Variants in KCNG3 observed in about 807,000 individuals in gnomAD.
The protein encoded by KCNG3 is potassium voltage-gated channel modifier subfamily G member 3, also known as voltage-gated potassium channel regulatory subunit KCNG3.
A neutral mutation model predicts 29.0 loss-of-function variants in KCNG3; 15 were observed. The observed-to-expected ratio is 0.52, with a 90% CI of 0.35 to 0.80. KCNG3 has a LOEUF of 0.80. Among genes scored for constraint, KCNG3 ranks in the 30% least tolerant of loss-of-function variants. The pLI, the probability that KCNG3 is intolerant of heterozygous loss-of-function variation, is 0.01. For synonymous variants in KCNG3, 322 were observed against 248.9 expected (o/e 1.29, Z -2.76); for missense variants, 512 against 605.7 (o/e 0.85, Z 1.62).
rs751461061 is a variant in KCNG3 at position 42,493,140 on chromosome 2, G to A, written c.362C>T (p.Ser121Phe). 6.2e-7 allele frequency: 1 copy of A among 1,605,572 alleles called. No homozygotes were observed. Among genetic ancestry groups the A allele is most frequent in the Non-Finnish European group, 8.5e-7 (1 of 1,179,158 alleles). The change falls in exon 1 of 2, where the codon TCC becomes TTC. Residue 121 changes from serine (S) to phenylalanine (F), a missense_variant. Physicochemically the swap from Ser to Phe is radical, Grantham distance 155. Transcript: ENST00000306078. ...CCQRRLDDRM[S>F]DTYTFYSADE... ...GGCCGAGTAGAAGGTGTAGGTGTCG[G>A]ACATGCGGTCGTCGAGGCGGCGCTG...
the KCNG3 span, among the ~76,000 whole-genome samples, chr2:42,394,260 A>C: frequency 6.6e-6 from 1 of 152,170 alleles, no homozygotes; most frequent in African/African-American, 2.4e-5. Context: ...GCCCAACAAA[A>C]ACTGCTAAAA....
chr2:42,443,802 G>A lies in KCNG3; in HGVS notation c.*132C>T, dbSNP rs1672539719. On this transcript the variant is annotated 3_prime_UTR_variant, in exon 2 of 2. Transcript: ENST00000306078. The stretch of plus-strand genomic sequence containing the variant: ...AGTAAACTGTTTTATCCCTTCGGCT[G>A]GGAAGGATAATTTTTACCCTACCAA... 4 of 805,636 alleles carry A rather than the reference G, an allele frequency of 5.0e-6. No individual in the cohort carries two copies. The highest frequency in any genetic ancestry group is 7.9e-6 in the Non-Finnish European group (4 of 508,104). 49.9% of individuals were successfully genotyped at this position (805,636 alleles called of 1,614,324 possible). A position where few individuals can be genotyped will look rare whatever the true frequency, so the allele number is the denominator to read the frequency against.
At chr2:42,425,742 A>T in the KCNG3 span, among the ~76,000 whole-genome samples, 14 of 152,286 alleles carry the variant, frequency 9.2e-5, no homozygotes, top group South Asian at 2.7e-3. Context: ...TAAAAGGGAG[A>T]AAAACAGAAT....
At chr2:42,470,035 T>C in intron 1 of KCNG3, 2 of 500,348 alleles carry the variant, frequency 4.0e-6, no homozygotes, top group African/African-American at 2.0e-5. Context: ...TAAGAATTCT[T>C]AAGTCCAAAG....
At chr2:42,445,885 C>T (rs982198241) in intron 1 of KCNG3, among the ~76,000 whole-genome samples, 2 of 151,936 alleles carry the variant, frequency 1.3e-5, no homozygotes, top group African/African-American at 2.4e-5. Flanking sequence ...TGCCACCATG[C>T]GTGACTAATT....
chr2:42,396,169 A>G, the KCNG3 span, among the ~76,000 whole-genome samples: 26 of 152,244 alleles, frequency 1.7e-4, no homozygotes, highest in African/African-American at 6.3e-4. Flanking sequence ...GGGTACTCCA[A>G]GTATAGTTTC....
At chr2:42,401,490 G>A in the KCNG3 span, among the ~76,000 whole-genome samples, 2 of 151,814 alleles carry the variant, frequency 1.3e-5, no homozygotes, top group Non-Finnish European at 2.9e-5. Context: ...CTCCCAGGCT[G>A]GAGTGCAGCG....
In KCNG3 at chr2:42,492,886, G is replaced by A; in HGVS notation, c.616C>T (p.Leu206=). 1.9e-6 allele frequency: 3 copies of A among 1,550,180 alleles called. No individual in the cohort carries two copies. Among genetic ancestry groups the A allele is most frequent in the South Asian group, 1.2e-5 (1 of 80,994 alleles). Reference sequence around the variant, plus strand: ...GCGGAGTACCTGCTCCGGTCATCCAGGCTGCGGTTGTCGGCGGCTGCGTTG... The same window carrying A: ...GCGGAGTACCTGCTCCGGTCATCCAAGCTGCGGTTGTCGGCGGCTGCGTTG... ...WRNAAADNRS[L]DDRSRYSAGP... Residue 206 remains leucine (L), a synonymous_variant, in exon 1 of 2, where the codon CTG becomes TTG. Coordinates refer to ENST00000306078, the MANE Select transcript of KCNG3 (RefSeq NM_133329.6).
At chr2:42,487,625 A>G (rs1172419318) in intron 1 of KCNG3, among the ~76,000 whole-genome samples, 2 of 152,190 alleles carry the variant, frequency 1.3e-5, no homozygotes, top group Non-Finnish European at 2.9e-5. Context: ...TTTGCAGAGT[A>G]TGCAGAAACA....
intron 1 of KCNG3, among the ~76,000 whole-genome samples, chr2:42,453,977 T>C (rs138906840): frequency 8.5e-5 from 13 of 152,122 alleles, no homozygotes; most frequent in African/African-American, 3.1e-4. Flanking sequence ...GGACAAAGGA[T>C]TTGAATAGAT....
intron 1 of KCNG3, among the ~76,000 whole-genome samples, chr2:42,475,456 A>G (rs11686926): frequency 0.94 from 141,952 of 151,616 alleles, 66,564 homozygotes; most frequent in East Asian, 1. Context: ...AGCCTCCCGG[A>G]TAGCTGGGAT....
the KCNG3 span, among the ~76,000 whole-genome samples, chr2:42,397,848 G>A: frequency 6.6e-6 from 1 of 152,142 alleles, no homozygotes; most frequent in Non-Finnish European, 1.5e-5. Flanking sequence ...GCATTTGTAT[G>A]GCCCTTTTAG....
intron 1 of KCNG3, among the ~76,000 whole-genome samples, chr2:42,472,987 C>T (rs1198039802): frequency 3.3e-5 from 5 of 149,596 alleles, no homozygotes; most frequent in South Asian, 2.1e-4. Flanking sequence ...CTGCAAGCTC[C>T]GCCTCCCAGG....
the KCNG3 span, among the ~76,000 whole-genome samples, chr2:42,428,826 A>G: frequency 4.9e-3 from 743 of 152,236 alleles, 5 homozygotes; most frequent in African/African-American, 0.017. Flanking sequence ...TTCCTACAGA[A>G]ACAGGCACGA....
chr2:42,469,293 T>C (rs905156385), intron 1 of KCNG3, among the ~76,000 whole-genome samples: 1 of 151,700 alleles, frequency 6.6e-6, no homozygotes, highest in African/African-American at 2.4e-5. Flanking sequence ...GGTGCATGCC[T>C]GTAATCCCAG....
Position 42,465,567 on chromosome 2 carries a change from T to C in KCNG3, c.666-20988A>G, listed in dbSNP as rs1673122535. Among the ~76,000 whole-genome samples the C allele has an allele frequency of 3.3e-5, 5 of 152,112 alleles. No homozygotes were observed. In the South Asian group the frequency reaches 1.0e-3, roughly 32 times the overall value. On this transcript the variant is annotated intron_variant, in intron 1 of 1. Coordinates refer to ENST00000306078, the MANE Select transcript of KCNG3 (RefSeq NM_133329.6). ...GGAGTAATGTTTGTGACTGAGCAAG[T>C]AGGCAAACTTTCTTACATAGGGCAC... is the stretch of plus-strand genomic sequence containing the variant.
At chr2:42,488,394 T>C (rs1349035665) in intron 1 of KCNG3, among the ~76,000 whole-genome samples, 2 of 152,158 alleles carry the variant, frequency 1.3e-5, no homozygotes, top group African/African-American at 4.8e-5. Context: ...TGTTTTGTTT[T>C]GAGACAGGGT....
downstream of KCNG3, among the ~76,000 whole-genome samples, chr2:42,437,543 T>G (rs114132156): frequency 6.6e-6 from 1 of 152,324 alleles, no homozygotes; most frequent in African/African-American, 2.4e-5. Flanking sequence ...ACAGATTTTA[T>G]GATTTGCATT....
At chr2:42,473,148 G>A (rs1006774670) in intron 1 of KCNG3, among the ~76,000 whole-genome samples, 8 of 151,366 alleles carry the variant, frequency 5.3e-5, no homozygotes, top group Non-Finnish European at 7.4e-5. Flanking sequence ...CACCTGCCTC[G>A]GCCTCCCAAA....
Sources: gnomAD v4.1 joint callset for allele counts (sites outside exome capture counted in the v4.1 genomes callset) on GRCh38, gnomAD v4.1.1 for gene constraint, MANE v1.5 for transcripts, NCBI Gene and HGNC (gene_info 2026-07-23, HGNC 2026-07-21) for gene names.